The following IL1RAPL1 variants were observed in gnomAD, a reference collection of about 807,000 sequenced individuals.
IL1RAPL1 encodes the protein interleukin 1 receptor accessory protein like 1, also known as interleukin-1 receptor accessory protein-like 1.
In IL1RAPL1, 3 loss-of-function variants were observed where a neutral mutation model predicts 48.4. The ratio of observed to expected loss-of-function variants is 0.06; its 90% confidence interval spans 0.03 to 0.16. The LOEUF is 0.16. Among genes scored for constraint, IL1RAPL1 ranks in the 10% least tolerant of loss-of-function variants. The probability of loss-of-function intolerance (pLI) is 1.00; values close to 1 mark genes in which losing one functional copy is unlikely to be tolerated. For missense variants in IL1RAPL1, 349 were observed against 530.6 expected (o/e 0.66, Z 3.36); for synonymous variants, 185 against 187.7 (o/e 0.99, Z 0.12).
chrX:29,411,396 C>A (rs1195261032), intron 5 of IL1RAPL1, among the ~76,000 whole-genome samples: 1 of 112,067 alleles, frequency 8.9e-6, no homozygotes, highest in Non-Finnish European at 1.9e-5. Flanking sequence ...CTTTCTGCCC[C>A]AGTCATATAT....
At chrX:29,124,493 T>A (rs936277751) in intron 2 of IL1RAPL1, among the ~76,000 whole-genome samples, 1 of 112,543 alleles carries the variant, frequency 8.9e-6, no homozygotes, top group Admixed American at 9.5e-5. Context: ...CTTACTCTAA[T>A]CACTCTGTGG....
chrX:28,748,730 A>G (rs779298845), intron 1 of IL1RAPL1, among the ~76,000 whole-genome samples: 2 of 111,599 alleles, frequency 1.8e-5, no homozygotes, highest in Non-Finnish European at 3.8e-5. Context: ...TACATTGTGT[A>G]ATGTTCAAAT....
chrX:29,452,373 G>A (rs769708374), intron 5 of IL1RAPL1, among the ~76,000 whole-genome samples: 1 of 111,728 alleles, frequency 9.0e-6, no homozygotes, highest in South Asian at 3.8e-4. Context: ...ACATGTGCAT[G>A]TAATATATGG....
chrX:28,758,305 A>T (rs1936127194), intron 1 of IL1RAPL1, among the ~76,000 whole-genome samples: 1 of 111,810 alleles, frequency 8.9e-6, no homozygotes, highest in African/African-American at 3.3e-5. Context: ...GATAACCAGG[A>T]TGATGATGGT....
At chrX:29,089,749 AATATATATATATATATATATATATATAT>A (rs1159198583) in intron 2 of IL1RAPL1, among the ~76,000 whole-genome samples, 14 of 16,982 alleles carry the variant, frequency 8.2e-4, no homozygotes, top group African/African-American at 1.5e-3. Flanking sequence ...GAGAAATATG[AATATATATATATATATATATATATATAT>A]ATATATATAT....
At chrX:29,318,736 A>G (rs1007017343) in intron 3 of IL1RAPL1, among the ~76,000 whole-genome samples, 2 of 112,472 alleles carry the variant, frequency 1.8e-5, no homozygotes, top group African/African-American at 6.5e-5. Flanking sequence ...TAATCATAAT[A>G]TGACAGGAAT....
chrX:28,897,405 C>T (rs1243215330), intron 2 of IL1RAPL1, among the ~76,000 whole-genome samples: 1 of 111,599 alleles, frequency 9.0e-6, no homozygotes. Context: ...GTTTTGGGTC[C>T]ACGGATAAAA....
chrX:28,911,535 C>T (rs1479647385), intron 2 of IL1RAPL1, among the ~76,000 whole-genome samples: 1 of 111,093 alleles, frequency 9.0e-6, no homozygotes, highest in African/African-American at 3.3e-5. Flanking sequence ...ATCACTTCCT[C>T]AGGAAGGCAT....
intron 1 of IL1RAPL1, among the ~76,000 whole-genome samples, chrX:28,779,060 G>T (rs988600631): frequency 2.7e-5 from 3 of 111,767 alleles, no homozygotes; most frequent in Non-Finnish European, 5.7e-5. Context: ...AAGAAGTCGA[G>T]CTGGGTTTCA....
chrX:29,797,478 C>A (rs999051587), intron 6 of IL1RAPL1, among the ~76,000 whole-genome samples: 6 of 112,122 alleles, frequency 5.4e-5, no homozygotes, highest in Admixed American at 9.5e-5. Context: ...TTTCCTCAGG[C>A]CCCCTCATCC....
chrX:29,947,752 G>GTTTTT (rs367605832), intron 9 of IL1RAPL1, among the ~76,000 whole-genome samples: 1 of 54,185 alleles, frequency 1.8e-5, no homozygotes, highest in Non-Finnish European at 3.6e-5. Context: ...TTTTTTTGGT[G>GTTTTT]TTTTTTTTTT....
At chrX:29,447,909 G>A in intron 5 of IL1RAPL1, among the ~76,000 whole-genome samples, 1 of 112,179 alleles carries the variant, frequency 8.9e-6, no homozygotes, top group Non-Finnish European at 1.9e-5. Context: ...AGACTTCATT[G>A]CTTTGGTAAG....
rs190896113 is a variant in IL1RAPL1 at position 29,280,253 on chromosome X, G to A, written c.83-2685G>A. On this transcript the variant is annotated intron_variant, in intron 2 of 10. Transcript: ENST00000378993. Reference sequence around the variant, plus strand: ...GTGTAGTTTTTTCCTCCTGTTTAACGTGGTATGCCAGCTCTACAGTAGTCA... The same window carrying A: ...GTGTAGTTTTTTCCTCCTGTTTAACATGGTATGCCAGCTCTACAGTAGTCA... 1.7e-3 allele frequency among the ~76,000 whole-genome samples: 185 copies of A among 111,660 alleles called. 1 individual carries two copies. The highest frequency in any genetic ancestry group is 5.7e-3 in the African/African-American group (175 of 30,756).
intron 2 of IL1RAPL1, among the ~76,000 whole-genome samples, chrX:29,187,844 T>G (rs1293432032): frequency 9.0e-6 from 1 of 111,401 alleles, no homozygotes; most frequent in Non-Finnish European, 1.9e-5. Context: ...GGAGAGACTC[T>G]AGCTGTAATA....
intron 2 of IL1RAPL1, among the ~76,000 whole-genome samples, chrX:28,969,762 C>A (rs1411707621): frequency 9.3e-6 from 1 of 107,969 alleles, no homozygotes; most frequent in Non-Finnish European, 1.9e-5. Flanking sequence ...TATACTGTAG[C>A]ACTATATATT....
At chrX:28,730,812 A>G (rs979616079) in intron 1 of IL1RAPL1, among the ~76,000 whole-genome samples, 2 of 112,096 alleles carry the variant, frequency 1.8e-5, no homozygotes, top group African/African-American at 3.2e-5. Flanking sequence ...CCTATGACCA[A>G]TAGTTTTAAT....
At chrX:28,819,967 GATATATATAT>G (rs764635166) in intron 2 of IL1RAPL1, among the ~76,000 whole-genome samples, 843 of 26,672 alleles carry the variant, frequency 0.032, 22 homozygotes, top group African/African-American at 0.057. Context: ...TAAACATAGT[GATATATATAT>G]ATATATATAT....
chrX:29,382,581 T>A (rs1175990455), intron 3 of IL1RAPL1, among the ~76,000 whole-genome samples: 2 of 112,364 alleles, frequency 1.8e-5, no homozygotes, highest in Non-Finnish European at 3.8e-5. Context: ...CACAAATATT[T>A]AGCTATCTAG....
chrX:28,813,142 C>A (rs1011438448), intron 2 of IL1RAPL1, among the ~76,000 whole-genome samples: 1 of 111,416 alleles, frequency 9.0e-6, no homozygotes, highest in Non-Finnish European at 1.9e-5. Flanking sequence ...AAGTTTCTCT[C>A]AACTGATTTC....
Sources: gnomAD v4.1 joint callset for allele counts (sites outside exome capture counted in the v4.1 genomes callset) on GRCh38, gnomAD v4.1.1 for gene constraint, MANE v1.5 for transcripts, NCBI Gene and HGNC (gene_info 2026-07-23, HGNC 2026-07-21) for gene names.